STX8: variants seen among roughly 807,000 people sequenced by gnomAD.
The protein encoded by STX8 is syntaxin 8.
Under a neutral mutation model 37.5 loss-of-function variants are expected in STX8, and 23 were observed. The ratio of observed to expected loss-of-function variants is 0.61; its 90% CI spans 0.44 to 0.87. STX8 has a LOEUF of 0.87. STX8 is among the 40% of genes least tolerant of loss of function. STX8 has a pLI of 0.00. For synonymous variants in STX8, 115 were observed against 99.1 expected, an observed-to-expected ratio of 1.16 and a Z score of -0.95; for missense variants, 313 against 284.7, an observed-to-expected ratio of 1.10 and a Z score of -0.71.
At chr17:9,259,605 G>C (rs1460660582) in intron 7 of STX8, among the ~76,000 whole-genome samples, 2 of 152,226 alleles carry the variant, frequency 1.3e-5, no homozygotes. Context: ...GCTACAGGAA[G>C]GGCAGCTGTG....
At chr17:9,480,203 C>T (rs533260599) in intron 6 of STX8, among the ~76,000 whole-genome samples, 155 of 152,106 alleles carry the variant, frequency 1.0e-3, no homozygotes, top group African/African-American at 3.5e-3. Flanking sequence ...GGGAAGGAGC[C>T]GTGACAACAG....
chr17:9,436,830 CAA>C (rs1322237001), intron 6 of STX8, among the ~76,000 whole-genome samples: 1 of 152,202 alleles, frequency 6.6e-6, no homozygotes, highest in African/African-American at 2.4e-5. Flanking sequence ...TGGAATGAAA[CAA>C]ACTCTCTGGG....
intron 6 of STX8, among the ~76,000 whole-genome samples, chr17:9,474,122 G>A (rs1410312681): frequency 6.6e-6 from 1 of 152,172 alleles, no homozygotes; most frequent in African/African-American, 2.4e-5. Context: ...ACATCAGTGT[G>A]CTGGGGCAGG....
At chr17:9,292,428 T>C (rs1908346013) in intron 7 of STX8, among the ~76,000 whole-genome samples, 1 of 152,214 alleles carries the variant, frequency 6.6e-6, no homozygotes, top group South Asian at 2.1e-4. Flanking sequence ...TTTATGGTGC[T>C]TTTCTAAGCC....
rs1158496430 is a variant in STX8 at position 9,575,794 on chromosome 17, G to C, written c.15C>G (p.Pro5=). 2.6e-6 allele frequency: 4 copies of C among 1,543,768 alleles called. No individual in the cohort carries two copies. In the East Asian group the frequency reaches 7.3e-5, roughly 28 times the overall value. ...CGCCGCCCTCACCCGGGACTCACCA[G>C]GGGTCCGGTGCCATCCTGCAGACTC... MAPD[P]WFSTYDSTCQ... is the part of the protein sequence containing the mutation. Residue 5 remains proline, a splice_region_variant and synonymous_variant, in exon 1 of 8, where the codon CCC becomes CCG. Coordinates refer to ENST00000306357, the MANE Select transcript of STX8 (RefSeq NM_004853.3).
intron 6 of STX8, among the ~76,000 whole-genome samples, chr17:9,468,085 CAATAT>C (rs1211889241): frequency 2.0e-5 from 3 of 152,074 alleles, no homozygotes; most frequent in African/African-American, 7.2e-5. Flanking sequence ...AGCGTAGAAA[CAATAT>C]AGCGAGGTTT....
intron 7 of STX8, among the ~76,000 whole-genome samples, chr17:9,257,439 C>T (rs573987722): frequency 5.3e-5 from 8 of 152,180 alleles, no homozygotes; most frequent in Admixed American, 4.6e-4. Flanking sequence ...TAGGTAACAG[C>T]TCTCAGTGCT....
At chr17:9,317,153 T>G (rs976864966) in intron 7 of STX8, among the ~76,000 whole-genome samples, 1 of 152,134 alleles carries the variant, frequency 6.6e-6, no homozygotes, top group African/African-American at 2.4e-5. Flanking sequence ...GAGCCATAGC[T>G]CTGTAACAAT....
rs530045157 is a variant in STX8 at position 9,407,515 on chromosome 17, T to C, written c.542-28862A>G. 3.9e-3 allele frequency among the ~76,000 whole-genome samples: 573 copies of C among 146,564 alleles called. 1 individual carries two copies. Among genetic ancestry groups the C allele is most frequent in the Non-Finnish European group, 6.5e-3 (423 of 65,510 alleles). ...ATTCTGAGCCAAATATGAGTGACCATGGCCGTGTCACAGCCCTCAGGAGAT... is the reference window on the plus strand; with the variant it reads ...ATTCTGAGCCAAATATGAGTGACCACGGCCGTGTCACAGCCCTCAGGAGAT... On this transcript the variant is annotated intron_variant, in intron 6 of 7. Transcript: ENST00000306357.
At chr17:9,519,107 C>T (rs530726918) in intron 4 of STX8, among the ~76,000 whole-genome samples, 13 of 152,210 alleles carry the variant, frequency 8.5e-5, no homozygotes, top group African/African-American at 2.4e-4. Flanking sequence ...AGGCAAAGCA[C>T]GTCCTCCCAC....
chr17:9,282,557 C>T (rs530589971), intron 7 of STX8, among the ~76,000 whole-genome samples: 80 of 152,306 alleles, frequency 5.3e-4, no homozygotes, highest in Non-Finnish European at 6.9e-4. Flanking sequence ...CAGAAAGGCA[C>T]GCAGTTGGTG....
At position 9,397,447 on chromosome 17, in the gene STX8, T is replaced by C. The variant is rs60998374; in HGVS notation, c.542-18794A>G. ...AATTAAGGACATGAATAGCAGATAG[T>C]GGGAGCCAAACTCTCACTGTTGGAA... On this transcript the variant is annotated intron_variant, in intron 6 of 7. Transcript: ENST00000306357. 6.9e-3 allele frequency among the ~76,000 whole-genome samples: 1,046 copies of C among 152,150 alleles called. 14 individuals carry two copies. The highest frequency in any genetic ancestry group is 0.024 in the African/African-American group (998 of 41,500).
intron 5 of STX8, among the ~76,000 whole-genome samples, chr17:9,493,833 G>A (rs1468091525): frequency 2.6e-5 from 4 of 152,062 alleles, no homozygotes; most frequent in Non-Finnish European, 5.9e-5. Context: ...CAGACCCATA[G>A]TGATATACTT....
At chr17:9,449,258 C>T (rs1302200346) in intron 6 of STX8, among the ~76,000 whole-genome samples, 3 of 152,190 alleles carry the variant, frequency 2.0e-5, no homozygotes, top group African/African-American at 7.2e-5. Context: ...TGTCCTTCCA[C>T]TGGTAAATAA....
chr17:9,282,629 G>A (rs981177116), intron 7 of STX8, among the ~76,000 whole-genome samples: 4 of 152,080 alleles, frequency 2.6e-5, no homozygotes, highest in Non-Finnish European at 5.9e-5. Flanking sequence ...CGTTTTCTTC[G>A]CTTAAAACTG....
chr17:9,254,207 C>CT (rs1228666090), intron 7 of STX8, among the ~76,000 whole-genome samples: 1 of 152,172 alleles, frequency 6.6e-6, no homozygotes, highest in Non-Finnish European at 1.5e-5. Context: ...GTCTCCGGTG[C>CT]CCCCAACAGG....
intron 6 of STX8, among the ~76,000 whole-genome samples, chr17:9,423,264 T>A (rs1357505620): frequency 6.6e-6 from 1 of 152,208 alleles, no homozygotes. Flanking sequence ...GTCTGTTTTC[T>A]TCTTAATAAG....
chr17:9,460,340 AG>A (rs926308959), intron 6 of STX8, among the ~76,000 whole-genome samples: 32 of 152,296 alleles, frequency 2.1e-4, no homozygotes, highest in African/African-American at 7.7e-4. Context: ...GAGGTAGATA[AG>A]CACAGTCATA....
At chr17:9,565,726 A>G (rs1907434364) in intron 2 of STX8, among the ~76,000 whole-genome samples, 1 of 152,170 alleles carries the variant, frequency 6.6e-6, no homozygotes, top group Non-Finnish European at 1.5e-5. Context: ...TCCCTATTCA[A>G]TAAGTGGTGC....
Sources: gnomAD v4.1 joint callset for allele counts (sites outside exome capture counted in the v4.1 genomes callset) on GRCh38, gnomAD v4.1.1 for gene constraint, MANE v1.5 for transcripts, NCBI Gene and HGNC (gene_info 2026-07-23, HGNC 2026-07-21) for gene names.